The following NLGN4Y variants were observed in gnomAD, a reference collection of about 807,000 sequenced individuals.
NLGN4Y encodes the protein neuroligin 4 Y-linked, also known as neuroligin-4, Y-linked.
NLGN4Y carries 4 observed loss-of-function variants against 8.4 expected under a neutral mutation model. That is an observed-to-expected ratio of 0.48 (90% CI 0.23 to 1.09). NLGN4Y has a LOEUF of 1.09. Among genes scored for constraint, NLGN4Y ranks in the 50% least tolerant of loss-of-function variants. NLGN4Y has a pLI of 0.19. For synonymous variants in NLGN4Y, 35 were observed against 75.6 expected (o/e 0.46, Z 2.78); for missense variants, 90 against 192.3 (o/e 0.47, Z 3.15).
chrY:14,781,592 A>G, intron 4 of NLGN4Y, among the ~76,000 whole-genome samples: 1 of 33,311 alleles, frequency 3.0e-5, no homozygotes, highest in Non-Finnish European at 7.4e-5. Flanking sequence ...TGGGTGGTGT[A>G]TATCTGTCAC....
At chrY:14,593,941 C>T in intron 1 of NLGN4Y, among the ~76,000 whole-genome samples, 1 of 33,314 alleles carries the variant, frequency 3.0e-5, no homozygotes. Flanking sequence ...TATATCCCTC[C>T]CTAATAAGGG....
At chrY:14,655,788 G>GT (rs2080648684) in intron 2 of NLGN4Y, among the ~76,000 whole-genome samples, 2 of 33,418 alleles carry the variant, frequency 6.0e-5, no homozygotes, top group Non-Finnish European at 1.5e-4. Flanking sequence ...TTTCTTGGGA[G>GT]TTTTTTGTTG....
chrY:14,784,655 G>A (rs1473724690), intron 4 of NLGN4Y, among the ~76,000 whole-genome samples: 1 of 20,925 alleles, frequency 4.8e-5, no homozygotes, highest in East Asian at 1.2e-3. Flanking sequence ...GCGAGAATCC[G>A]TCTCAAAAAA....
chrY:14,558,508 T>C, intron 1 of NLGN4Y, among the ~76,000 whole-genome samples: 1 of 33,198 alleles, frequency 3.0e-5, no homozygotes, highest in African/African-American at 1.2e-4. Flanking sequence ...TCCCATTGTT[T>C]AGTCATTTCA....
At chrY:14,822,051 G>T (rs111335186) in intron 4 of NLGN4Y, among the ~76,000 whole-genome samples, 1,993 of 33,653 alleles carry the variant, frequency 0.059, no homozygotes, top group South Asian at 0.31. Flanking sequence ...GTATACTCTT[G>T]TAAAGAGCGT....
At chrY:14,525,542 G>T in intron 1 of NLGN4Y, among the ~76,000 whole-genome samples, 10 of 33,686 alleles carry the variant, frequency 3.0e-4, no homozygotes, top group Admixed American at 2.4e-3. Context: ...CCCAAATTAA[G>T]AAATTTGGGG....
chrY:14,638,850 G>A (rs2080578076), intron 2 of NLGN4Y, among the ~76,000 whole-genome samples: 1 of 33,831 alleles, frequency 3.0e-5, no homozygotes, highest in Non-Finnish European at 7.3e-5. Flanking sequence ...CATGGGTTTT[G>A]AGTTGACTTG....
At chrY:14,523,853 G>T, upstream of NLGN4Y, 1 of 73,216 alleles carries the variant, frequency 1.4e-5, no homozygotes, top group East Asian at 2.9e-4. Context: ...TTGGGCTGGA[G>T]AAAGATCGGG....
At chrY:14,528,908 A>G in intron 1 of NLGN4Y, among the ~76,000 whole-genome samples, 1 of 33,355 alleles carries the variant, frequency 3.0e-5, no homozygotes, top group Admixed American at 2.7e-4. Context: ...TCTATTTAAA[A>G]TGTACATTAC....
chrY:14,616,126 C>A, intron 1 of NLGN4Y, among the ~76,000 whole-genome samples: 7 of 33,149 alleles, frequency 2.1e-4, no homozygotes, highest in Admixed American at 1.4e-3. Context: ...AATTTCAGAG[C>A]CTGTTATTGG....
chrY:14,624,727 T>C, intron 2 of NLGN4Y, among the ~76,000 whole-genome samples: 1 of 33,034 alleles, frequency 3.0e-5, no homozygotes, highest in African/African-American at 1.2e-4. Flanking sequence ...TCCTCGGTTG[T>C]TTTTGTATCT....
intron 5 of NLGN4Y, among the ~76,000 whole-genome samples, chrY:14,827,758 G>T (rs2043154247): frequency 3.0e-5 from 1 of 33,099 alleles, no homozygotes; most frequent in African/African-American, 1.2e-4. Context: ...CTCCAGCCTG[G>T]GTAGCAGAGA....
chrY:14,693,463 TG>T (rs2080817770), intron 2 of NLGN4Y, among the ~76,000 whole-genome samples: 1 of 32,803 alleles, frequency 3.0e-5, no homozygotes, highest in Non-Finnish European at 7.5e-5. Context: ...GGTCTTGCTC[TG>T]TCTCTCAGAT....
chrY:14,598,457 G>T, intron 1 of NLGN4Y, among the ~76,000 whole-genome samples: 13 of 33,658 alleles, frequency 3.9e-4, no homozygotes, highest in African/African-American at 1.5e-3. Context: ...GTCCCCCATT[G>T]CCTGGGGCCA....
intron 2 of NLGN4Y, among the ~76,000 whole-genome samples, chrY:14,637,040 A>G: frequency 9.2e-5 from 3 of 32,780 alleles, no homozygotes; most frequent in African/African-American, 2.4e-4. Context: ...AACCTGAACA[A>G]TGAAGATGTT....
intron 2 of NLGN4Y, among the ~76,000 whole-genome samples, chrY:14,713,190 T>C (rs2080905067): frequency 3.0e-5 from 1 of 33,851 alleles, no homozygotes; most frequent in Non-Finnish European, 7.3e-5. Context: ...AACTACTAAA[T>C]ACATTTTAAT....
At chrY:14,528,824 G>T (rs2080101536) in intron 1 of NLGN4Y, among the ~76,000 whole-genome samples, 1 of 33,624 alleles carries the variant, frequency 3.0e-5, no homozygotes, top group Non-Finnish European at 7.4e-5. Flanking sequence ...TCATTATATT[G>T]CTAATGAAAT....
chrY:14,562,342 G>T (rs950088377), intron 1 of NLGN4Y, among the ~76,000 whole-genome samples: 6 of 33,500 alleles, frequency 1.8e-4, no homozygotes, highest in Admixed American at 1.7e-3. Context: ...CCCACCACTT[G>T]TGTGTGACAG....
chrY:14,694,984 T>C, intron 2 of NLGN4Y, among the ~76,000 whole-genome samples: 1 of 33,679 alleles, frequency 3.0e-5, no homozygotes, highest in Non-Finnish European at 7.4e-5. Context: ...ACATGTAATA[T>C]GGAGGGTATT....
Sources: allele counts gnomAD v4.1 joint callset (sites outside exome capture counted in the v4.1 genomes callset), GRCh38; gene constraint gnomAD v4.1.1; transcripts MANE v1.5; gene names NCBI Gene and HGNC (gene_info 2026-07-23, HGNC 2026-07-21).